The following MACF1 variants were observed in gnomAD, a reference collection of about 807,000 sequenced individuals.
MACF1 encodes the protein microtubule actin crosslinking factor 1, also known as microtubule-actin cross-linking factor 1.
A neutral mutation model predicts 854.8 loss-of-function variants in MACF1; 193 were observed. The observed-to-expected ratio is 0.23, with a 90% CI of 0.20 to 0.25. The LOEUF (loss-of-function observed/expected upper bound fraction) is 0.25. MACF1 is among the 10% of genes least tolerant of loss of function. The probability of loss-of-function intolerance (pLI) is 1.00; values close to 1 mark genes in which losing one functional copy is unlikely to be tolerated. For missense variants in MACF1, 7,722 were observed against 8,929.1 expected (o/e 0.86, Z 5.45); for synonymous variants, 3,185 against 3,226.7 (o/e 0.99, Z 0.44).
At chr1:39,150,199 T>C (rs1260845214) in intron 2 of MACF1, among the ~76,000 whole-genome samples, 3 of 152,118 alleles carry the variant, frequency 2.0e-5, no homozygotes, top group African/African-American at 7.2e-5. Flanking sequence ...TTTGTATTTT[T>C]ACTAGAGATG....
At chr1:39,439,645 C>G (rs780336539) in intron 72 of MACF1, 145 bp downstream of exon 72, 24 of 647,498 alleles carry the variant, frequency 3.7e-5, no homozygotes, top group Middle Eastern at 5.9e-4. Context: ...TGCTCTTGTC[C>G]CCAAGGCTGG....
At chr1:39,246,542 C>G (rs1644982454) in intron 2 of MACF1, among the ~76,000 whole-genome samples, 1 of 152,060 alleles carries the variant, frequency 6.6e-6, no homozygotes, top group Admixed American at 6.6e-5. Context: ...AAGTTTCACT[C>G]CTGTTGCCCG....
chr1:39,350,080 T>G (rs1647144989), intron 42 of MACF1, among the ~76,000 whole-genome samples: 1 of 152,198 alleles, frequency 6.6e-6, no homozygotes, highest in Non-Finnish European at 1.5e-5. Flanking sequence ...ATAAAATTAT[T>G]AACTGTTATA....
chr1:39,297,449 T>G (rs1457986548), intron 20 of MACF1, among the ~76,000 whole-genome samples, 171 bp from the exon 21 acceptor site: 20 of 152,300 alleles, frequency 1.3e-4, no homozygotes, highest in East Asian at 1.9e-4. Flanking sequence ...CTGCATGGCT[T>G]TTTAAGCCCT....
At chr1:39,295,190 G>C in intron 19 of MACF1, 40 bp downstream of exon 19, 1 of 1,514,284 alleles carries the variant, frequency 6.6e-7, no homozygotes, top group Admixed American at 1.7e-5. Context: ...AATGCTGAGA[G>C]GTTGTTGTTA....
At chr1:39,291,416 T>A (rs1645786141) in intron 15 of MACF1, among the ~76,000 whole-genome samples, 1 of 152,242 alleles carries the variant, frequency 6.6e-6, no homozygotes, top group Non-Finnish European at 1.5e-5. Context: ...AAATTCTTCC[T>A]ATGTCTGCAT....
chr1:39,343,057 C>T (rs59480992), intron 40 of MACF1, among the ~76,000 whole-genome samples: 1 of 152,090 alleles, frequency 6.6e-6, no homozygotes, highest in East Asian at 1.9e-4. Flanking sequence ...TGCTTTTCTT[C>T]TTCTTAAGCC....
At chr1:39,416,176 CTTTACCAGTTA>C (rs1433826900) in intron 58 of MACF1, among the ~76,000 whole-genome samples, 3 of 152,182 alleles carry the variant, frequency 2.0e-5, no homozygotes, top group Non-Finnish European at 4.4e-5. Flanking sequence ...TTACCTTGAG[CTTTACCAGTTA>C]TTTTGTCAGG....
At chr1:39,297,069 GC>G (rs1418427161) in intron 20 of MACF1, among the ~76,000 whole-genome samples, 2 of 151,756 alleles carry the variant, frequency 1.3e-5, no homozygotes, top group African/African-American at 4.8e-5. Context: ...GACTACAGGC[GC>G]CCACCACCAC....
intron 2 of MACF1, among the ~76,000 whole-genome samples, chr1:39,128,966 A>G (rs1642929740): frequency 6.6e-6 from 1 of 152,180 alleles, no homozygotes; most frequent in Non-Finnish European, 1.5e-5. Flanking sequence ...GCCCAGTTAG[A>G]TTGTGCTGCT....
intron 6 of MACF1, chr1:39,268,550 G>T (rs1645263342): frequency 8.5e-7 from 1 of 1,170,116 alleles, no homozygotes; most frequent in Non-Finnish European, 1.1e-6. Flanking sequence ...GAGAGAGGCG[G>T]GGAGGGAGGG....
At chr1:39,427,102 T>C (rs1180384) in intron 61 of MACF1, among the ~76,000 whole-genome samples, 60,845 of 152,000 alleles carry the variant, frequency 0.4, 14,278 homozygotes, top group African/African-American at 0.66. Flanking sequence ...TGATTTGTGT[T>C]AAATAAGGAG....
At chr1:39,308,552 AGT>A (rs1228333279) in intron 23 of MACF1, among the ~76,000 whole-genome samples, 3 of 152,046 alleles carry the variant, frequency 2.0e-5, no homozygotes, top group African/African-American at 4.8e-5. Context: ...TATGTAAGAG[AGT>A]GTGTCTGTGT....
intron 7 of MACF1, among the ~76,000 whole-genome samples, chr1:39,282,886 CAAAAAT>C (rs1645575078): frequency 6.6e-6 from 1 of 152,084 alleles, no homozygotes; most frequent in African/African-American, 2.4e-5. Context: ...TTCTGAATGA[CAAAAAT>C]AAAAATTGTT....
intron 58 of MACF1, among the ~76,000 whole-genome samples, chr1:39,394,894 T>C (rs1369116005): frequency 6.6e-6 from 1 of 152,008 alleles, no homozygotes; most frequent in Non-Finnish European, 1.5e-5. Context: ...CCAAGATGAG[T>C]GGGTATCCTC....
At position 39,347,084 on chromosome 1, in the gene MACF1, T is replaced by C. The variant is rs1376623189; in HGVS notation, c.10689T>C (p.Asn3563=). 1.2e-6 allele frequency: 2 copies of C among 1,613,570 alleles called. No individual in the cohort carries two copies. The highest frequency in any genetic ancestry group is 1.7e-6 in the Non-Finnish European group (2 of 1,179,412). Residue 3563 remains asparagine, a synonymous_variant, in exon 41 of 101, where the codon AAT becomes AAC. Transcript: ENST00000564288. ...EHAQDLSPQQ[N]RQMLRLLNEL... ...CCCAGGACTTGTCCCCTCAGCAGAATCGACAGATGCTGAGGCTTCTGAATG... is the reference window on the plus strand; with the variant it reads ...CCCAGGACTTGTCCCCTCAGCAGAACCGACAGATGCTGAGGCTTCTGAATG...
chr1:39,447,814 C>T lies in MACF1; in HGVS notation c.19884C>T (p.Ser6628=), dbSNP rs758368919. The change falls in exon 82 of 101, where the codon AGC becomes AGT. Residue 6628 remains serine (S), a synonymous_variant. Coordinates refer to ENST00000564288, the MANE Select transcript of MACF1 (RefSeq NM_001394062.1). ...DVVLIKNLLV[S]VQSRWEKVVQ... ...TTCTGATCAAGAATTTGTTGGTGAG[C>T]GTGCAGTCTCGATGGGAGAAGGTTG... 3.1e-6 allele frequency: 5 copies of T among 1,613,722 alleles called. No individual in the cohort carries two copies. The highest frequency in any genetic ancestry group is 2.2e-5 in the South Asian group (2 of 91,020).
chr1:39,283,237 G>T lies in MACF1; in HGVS notation c.744G>T (p.Glu248Asp), dbSNP rs371386732. The change falls in exon 8 of 101, where the codon GAG (glutamate) becomes GAT (aspartate). Residue 248 changes from glutamate (E) to aspartate (D), a missense_variant. Glu to Asp is a conservative substitution (Grantham distance 45, BLOSUM62 2). This residue lies in a region of MACF1 where 108 missense variants were observed against 196.4 expected (regional missense o/e 0.55). Transcript: ENST00000564288. The surrounding 1 kb of genome is among the most constrained non-coding windows in gnomAD (Gnocchi z 4.5). ...GGGTGCAAATCCAAAGTAACCGAGA[G>T]AATCTGGAACAGGCTTTTGAAGTGG... The part of the protein sequence containing the change: ...MERVQIQSNR[E>D]NLEQAFEVAE... The T allele has an allele frequency of 1.4e-5, 23 of 1,614,086 alleles. No homozygotes were observed. In the African/African-American group the frequency reaches 2.8e-4, roughly 20 times the overall value.
In MACF1 at chr1:39,477,078, T is replaced by C. The variant is rs145491998; in HGVS notation, c.21959-2720T>C. Among the ~76,000 whole-genome samples, 8 of 14,044 alleles carry C rather than the reference T, an allele frequency of 5.7e-4. No homozygotes were observed. The East Asian group carries it at 0.013, about 22-fold the overall frequency. The allele number at this position is 14,044 out of a possible 152,430, so 9.2% of individuals were successfully genotyped here. On this transcript the variant is annotated intron_variant, in intron 97 of 100. Coordinates refer to ENST00000564288, the MANE Select transcript of MACF1 (RefSeq NM_001394062.1). Reference sequence around the variant, plus strand: ...ATATATATATATATATATATATATATATATATATATATACACACACACACA... The same window carrying C: ...ATATATATATATATATATATATATACATATATATATATACACACACACACA...
Sources: gnomAD v4.1 joint callset for allele counts (sites outside exome capture counted in the v4.1 genomes callset) on GRCh38, gnomAD v4.1.1 for gene constraint, gnomAD v4.1.1 regional missense constraint, Gnocchi (gnomAD v3.1) non-coding constraint, MANE v1.5 for transcripts, NCBI Gene and HGNC (gene_info 2026-07-23, HGNC 2026-07-21) for gene names.